Variants in MARCHF8 observed in about 807,000 individuals in gnomAD.
MARCHF8 encodes the protein membrane associated ring-CH-type finger 8.
A neutral mutation model predicts 51.6 loss-of-function variants in MARCHF8; 40 were observed. That is an observed-to-expected ratio of 0.77 (90% CI 0.60 to 1.01). The LOEUF is 1.01. MARCHF8 is among the 50% of genes least tolerant of loss of function. The probability of loss-of-function intolerance (pLI) is 0.00; values close to 1 mark genes in which losing one functional copy is unlikely to be tolerated. For synonymous variants in MARCHF8, 263 were observed against 280.3 expected, an observed-to-expected ratio of 0.94 and a Z score of 0.62; for missense variants, 685 against 708.6, an observed-to-expected ratio of 0.97 and a Z score of 0.38.
chr10:45,463,709 C>A lies in MARCHF8; in HGVS notation c.530G>T (p.Arg177Ile). The change falls in exon 5 of 8, where the codon AGA becomes ATA. Residue 177 changes from arginine to isoleucine, a missense_variant. Coordinates refer to ENST00000453424, the MANE Select transcript of MARCHF8 (RefSeq NM_001282866.2). ...TATTAATTTCCCTTCAGAACAAGTT[C>A]TTTCCACATAGGCAAAACTTTCTGA... ...DTSESFAYVE[R>I]TCSEGKLILP... 6.4e-7 allele frequency: 1 copy of A among 1,551,080 alleles called. No homozygotes were observed. Among genetic ancestry groups the A allele is most frequent in the East Asian group, 2.4e-5 (1 of 40,932 alleles).
chr10:45,502,150 T>TG (rs1196882870), intron 2 of MARCHF8, among the ~76,000 whole-genome samples: 41 of 152,202 alleles, frequency 2.7e-4, no homozygotes, highest in African/African-American at 9.9e-4. Flanking sequence ...TGAAAACACA[T>TG]GTTCACATAA....
intron 2 of MARCHF8, among the ~76,000 whole-genome samples, chr10:45,505,107 G>C (rs1001061428): frequency 6.6e-6 from 1 of 152,152 alleles, no homozygotes; most frequent in Non-Finnish European, 1.5e-5. Context: ...AGCTACTCCT[G>C]AATAAGAAAG....
At chr10:45,536,866 A>AATAATG (rs1207784227), upstream of MARCHF8, among the ~76,000 whole-genome samples, 2 of 147,288 alleles carry the variant, frequency 1.4e-5, no homozygotes, top group Non-Finnish European at 3.0e-5. Context: ...TAATAATAAT[A>AATAATG]ATAATAATAA....
At chr10:45,489,929 T>A (rs1473303867) in intron 2 of MARCHF8, among the ~76,000 whole-genome samples, 2 of 152,084 alleles carry the variant, frequency 1.3e-5, no homozygotes, top group Non-Finnish European at 2.9e-5. Context: ...ACAGCTCACA[T>A]CTCCTTCAAC....
chr10:45,489,589 G>C (rs2043046288), intron 2 of MARCHF8, among the ~76,000 whole-genome samples, 172 bp from the exon 3 acceptor site: 1 of 151,612 alleles, frequency 6.6e-6, no homozygotes, highest in South Asian at 2.1e-4. Flanking sequence ...TTGCACATTT[G>C]GGCAAAATGA....
intron 3 of MARCHF8, among the ~76,000 whole-genome samples, chr10:45,484,638 A>C (rs554520141): frequency 6.6e-6 from 1 of 152,350 alleles, no homozygotes; most frequent in African/African-American, 2.4e-5. Context: ...AATGGGTGAT[A>C]AAATTTAGAC....
intron 1 of MARCHF8, among the ~76,000 whole-genome samples, chr10:45,564,442 G>GA (rs1220939110): frequency 6.6e-6 from 1 of 151,872 alleles, no homozygotes; most frequent in Non-Finnish European, 1.5e-5. Flanking sequence ...CTGAAAAACA[G>GA]AAAAAAAGAC....
chr10:45,570,122 A>C (rs1354961180), intron 1 of MARCHF8, among the ~76,000 whole-genome samples: 2 of 152,200 alleles, frequency 1.3e-5, no homozygotes, highest in Non-Finnish European at 2.9e-5. Flanking sequence ...TATCAGACAC[A>C]TGTGGAAGAA....
rs113108673 is a variant in MARCHF8, at chr10:45,583,778, G to T, written c.-79+10457C>A. On this transcript the variant is annotated intron_variant, in intron 1 of 6. Coordinates refer to the MARCHF8 transcript ENST00000319836. The stretch of plus-strand genomic sequence containing the variant: ...CTTTTTTAGCATTGTGACATTACCT[G>T]TGTAGCTCTTTTAAAGACAATAAAG... Among the ~76,000 whole-genome samples the T allele has an allele frequency of 7.2e-5, 11 of 152,106 alleles. 2 individuals are homozygous for T. Among genetic ancestry groups the T allele is most frequent in the African/African-American group, 2.2e-4 (9 of 41,500 alleles).
chr10:45,529,659 C>T (rs2043846100), intron 2 of MARCHF8, among the ~76,000 whole-genome samples: 1 of 152,090 alleles, frequency 6.6e-6, no homozygotes, highest in Admixed American at 6.5e-5. Context: ...GGCATGAACA[C>T]ATATTTTGCA....
chr10:45,551,788 C>A (rs147941153), intron 1 of MARCHF8, among the ~76,000 whole-genome samples: 1 of 152,048 alleles, frequency 6.6e-6, no homozygotes, highest in African/African-American at 2.4e-5. Flanking sequence ...TAAAATAAAT[C>A]TCTCTCTCCC....
rs1351480856 is a variant in MARCHF8, at chr10:45,463,700, G to A, written c.539C>T (p.Ser180Phe). 2.6e-6 allele frequency: 4 copies of A among 1,550,880 alleles called. No homozygotes were observed. In the African/African-American group the frequency reaches 5.5e-5, roughly 21 times the overall value. ...ESFAYVERTC[S>F]EGKLILPQDT... ...TTGAGGGAGTATTAATTTCCCTTCA[G>A]AACAAGTTCTTTCCACATAGGCAAA... Residue 180 changes from serine to phenylalanine, a missense_variant, in exon 5 of 8, where the codon TCT becomes TTT. Coordinates refer to ENST00000453424, the MANE Select transcript of MARCHF8 (RefSeq NM_001282866.2).
intron 4 of MARCHF8, 73 bp downstream of exon 4, chr10:45,464,166 C>A (rs1842890152): frequency 1.9e-6 from 3 of 1,577,240 alleles, no homozygotes; most frequent in African/African-American, 2.7e-5. Flanking sequence ...AATGGAAATT[C>A]AAGAACCTAC....
In MARCHF8 at chr10:45,461,424, GA is replaced by G; in HGVS notation, c.1089-14del. On this transcript the variant is annotated splice_polypyrimidine_tract_variant and intron_variant, in intron 5 of 7. Coordinates refer to ENST00000453424, the MANE Select transcript of MARCHF8 (RefSeq NM_001282866.2). The stretch of plus-strand genomic sequence containing the variant: ...ACAGTGGCAGATCCTATGGTGGAAG[GA>G]AAACCTGTCATTCCAAGGACAGTCC... 6.5e-7 allele frequency: 1 copy of G among 1,529,156 alleles called. No homozygotes were observed. The highest frequency in any genetic ancestry group is 2.4e-5 in the East Asian group (1 of 41,048). The allele number at this position is 1,529,156 out of a possible 1,614,324, so 94.7% of individuals were successfully genotyped here. A position where few individuals can be genotyped will look rare whatever the true frequency, so the allele number is the denominator to read the frequency against.
chr10:45,464,002 T>G lies in MARCHF8; in HGVS notation c.243-6A>C. The G allele has an allele frequency of 6.5e-7, 1 of 1,529,734 alleles. No individual in the cohort carries two copies. The highest frequency in any genetic ancestry group is 8.7e-7 in the Non-Finnish European group (1 of 1,144,162). The allele number at this position is 1,529,734 out of a possible 1,614,324, so 94.8% of individuals were successfully genotyped here. Reference sequence around the variant, plus strand: ...CAGAAAACACTGCACTGGAACTGCATGCAGAACAGTGGGATAAAAGCACAG... The same window carrying G: ...CAGAAAACACTGCACTGGAACTGCAGGCAGAACAGTGGGATAAAAGCACAG... On this transcript the variant is annotated splice_region_variant and splice_polypyrimidine_tract_variant and intron_variant, in intron 4 of 7. Coordinates refer to ENST00000453424, the MANE Select transcript of MARCHF8 (RefSeq NM_001282866.2).
intron 3 of MARCHF8, among the ~76,000 whole-genome samples, chr10:45,466,852 C>G (rs1842985058): frequency 6.6e-6 from 1 of 152,192 alleles, no homozygotes; most frequent in Admixed American, 6.5e-5. Context: ...CGATTCCATC[C>G]TTGCATGCCC....
chr10:45,463,295 T>G lies in MARCHF8; in HGVS notation c.944A>C (p.Asp315Ala), dbSNP rs868295681. 16 of 1,551,018 alleles carry G rather than the reference T, an allele frequency of 1.0e-5. No homozygotes were observed. The Middle Eastern group carries it at 2.7e-3, about 259-fold the overall frequency. Residue 315 changes from aspartate to alanine, a missense_variant, in exon 5 of 8, where the codon GAC becomes GCC. Asp to Ala is a moderately radical substitution (Grantham distance 126). Coordinates refer to ENST00000453424, the MANE Select transcript of MARCHF8 (RefSeq NM_001282866.2). Reference protein sequence around the residue: ...DEMGDDDVFEDSTSAKLKSRV... With the variant: ...DEMGDDDVFEASTSAKLKSRV... ...ACTCTTCAGTTTTGCAGATGTGCTG[T>G]CCTCAAAGACATCGTCGTCTCCCAT...
intron 1 of MARCHF8, among the ~76,000 whole-genome samples, chr10:45,586,434 C>T (rs1466704475): frequency 6.6e-6 from 1 of 152,110 alleles, no homozygotes; most frequent in Non-Finnish European, 1.5e-5. Flanking sequence ...AAAGATTATA[C>T]TCTTTCCGGT....
At chr10:45,551,407 A>C (rs997078031) in intron 1 of MARCHF8, among the ~76,000 whole-genome samples, 1 of 151,522 alleles carries the variant, frequency 6.6e-6, no homozygotes, top group Non-Finnish European at 1.5e-5. Flanking sequence ...TTAGAGATGC[A>C]ATTTTTTTTT....
Sources: gnomAD v4.1 joint callset for allele counts (sites outside exome capture counted in the v4.1 genomes callset) on GRCh38, gnomAD v4.1.1 for gene constraint, MANE v1.5 for transcripts, NCBI Gene and HGNC (gene_info 2026-07-23, HGNC 2026-07-21) for gene names.